ZNF565: variants seen among roughly 807,000 people sequenced by gnomAD.
ZNF565 encodes zinc finger protein 565.
A neutral mutation model predicts 39.4 loss-of-function variants in ZNF565; 27 were observed. The observed-to-expected ratio is 0.69, with a 90% CI of 0.51 to 0.95. The LOEUF is 0.95. Among genes scored for constraint, ZNF565 ranks in the 40% least tolerant of loss-of-function variants. The probability of loss-of-function intolerance (pLI) is 0.00; values close to 1 mark genes in which losing one functional copy is unlikely to be tolerated. For missense variants in ZNF565, 524 were observed against 621.1 expected, an observed-to-expected ratio of 0.84 and a Z score of 1.66; for synonymous variants, 185 against 216.6, an observed-to-expected ratio of 0.85 and a Z score of 1.28.
chr19:36,216,415 T>C (rs2432040), upstream of ZNF565, among the ~76,000 whole-genome samples: 96,304 of 151,868 alleles, frequency 0.63, 30,727 homozygotes, highest in Middle Eastern at 0.71. Context: ...CCGAGATGGG[T>C]GGATTACCTG....
chr19:36,233,065 A>G (rs1260376632), intron 1 of ZNF565, among the ~76,000 whole-genome samples: 1 of 152,232 alleles, frequency 6.6e-6, no homozygotes, highest in African/African-American at 2.4e-5. Flanking sequence ...CTTCTAAAAA[A>G]TTAAATATGT....
At chr19:36,193,225 C>T (rs1599922236) in intron 4 of ZNF565, among the ~76,000 whole-genome samples, 1 of 151,602 alleles carries the variant, frequency 6.6e-6, no homozygotes, top group African/African-American at 2.4e-5. Flanking sequence ...CCTCGTGATC[C>T]GCCCGCCTCA....
intron 1 of ZNF565, among the ~76,000 whole-genome samples, chr19:36,240,058 T>C (rs2972540): frequency 0.69 from 105,100 of 152,054 alleles, 36,448 homozygotes; most frequent in African/African-American, 0.74. Context: ...TTTTTCTCTG[T>C]TTTCCCTGTT....
At chr19:36,213,402 T>G (rs1976442461) in intron 1 of ZNF565, 1 of 150,408 alleles carries the variant, frequency 6.6e-6, no homozygotes, top group Non-Finnish European at 1.5e-5. Flanking sequence ...TGTTTGTTTT[T>G]GAGACGAAGT....
At chr19:36,232,144 A>C (rs1802149161) in intron 1 of ZNF565, among the ~76,000 whole-genome samples, 1 of 150,432 alleles carries the variant, frequency 6.6e-6, no homozygotes, top group Middle Eastern at 3.4e-3. Context: ...CGGAGGTTGC[A>C]GTGAGCTGAG....
intron 1 of ZNF565, chr19:36,228,636 G>A (rs12461112): frequency 0.26 from 39,400 of 152,112 alleles, 5,505 homozygotes; most frequent in African/African-American, 0.37. Context: ...ATCTTTGGAA[G>A]TTGCACCCTC....
rs1259388978 is a variant in ZNF565 at position 36,182,878 on chromosome 19, T to C, written c.1088A>G (p.Tyr363Cys). 5.6e-6 allele frequency: 9 copies of C among 1,612,702 alleles called. No homozygotes were observed. The highest frequency in any genetic ancestry group is 3.3e-5 in the South Asian group (3 of 91,012). Residue 363 changes from tyrosine (Y) to cysteine (C), a missense_variant, in exon 5 of 5, where the codon TAT becomes TGT. Coordinates refer to ENST00000304116, the MANE Select transcript of ZNF565 (RefSeq NM_152477.5). ...GGCCTTCCCACATTCCTTACACTCA[T>C]AGGGTTTCTCCCCAGAATGAATTCT... ...HQRIHSGEKP[Y>C]ECKECGKAFR...
At chr19:36,231,681 C>T (rs1977376186) in intron 1 of ZNF565, among the ~76,000 whole-genome samples, 1 of 152,064 alleles carries the variant, frequency 6.6e-6, no homozygotes, top group Non-Finnish European at 1.5e-5. Context: ...ATTTTCAGAT[C>T]CAGAGATTAC....
intron 4 of ZNF565, among the ~76,000 whole-genome samples, chr19:36,186,229 C>T (rs140592101): frequency 7.9e-4 from 121 of 152,242 alleles, no homozygotes; most frequent in Middle Eastern, 3.4e-3. Context: ...GAACTCCTGA[C>T]GTCACGTGAT....
intron 1 of ZNF565, chr19:36,213,086 G>C (rs1015523523): frequency 6.6e-6 from 1 of 152,382 alleles, no homozygotes; most frequent in Non-Finnish European, 1.5e-5. Context: ...AGAAGGCTGA[G>C]GTCACTCCTG....
rs1377665515 is a variant in ZNF565 at position 36,182,955 on chromosome 19, A to G, written c.1011T>C (p.Cys337=). The G allele has an allele frequency of 3.7e-6, 6 of 1,614,092 alleles. No homozygotes were observed. Among genetic ancestry groups the G allele is most frequent in the Non-Finnish European group, 5.1e-6 (6 of 1,180,030 alleles). The change falls in exon 5 of 5, where the codon TGT becomes TGC. Residue 337 remains cysteine (C), a synonymous_variant. Coordinates refer to ENST00000304116, the MANE Select transcript of ZNF565 (RefSeq NM_152477.5). ...RIHTGEKPYE[C]KECGKGFIHS... is the part of the protein sequence containing the mutation. ...GAATAAAGCCCTTTCCGCATTCCTT[A>G]CACTCGTAGGGTTTCTCACCAGTGT...
intron 4 of ZNF565, among the ~76,000 whole-genome samples, chr19:36,187,762 C>A (rs1306367626): frequency 6.6e-6 from 1 of 151,858 alleles, no homozygotes. Flanking sequence ...CTCAGCCTCC[C>A]GAGTAGCTGG....
chr19:36,214,744 C>G (rs1976521013), upstream of ZNF565: 1 of 152,320 alleles, frequency 6.6e-6, no homozygotes, highest in Non-Finnish European at 1.5e-5. Context: ...CTAGATCGGC[C>G]ACGGACAGAA....
chr19:36,217,585 A>G (rs1331624367), upstream of ZNF565, among the ~76,000 whole-genome samples: 2 of 152,124 alleles, frequency 1.3e-5, no homozygotes, highest in Non-Finnish European at 2.9e-5. Context: ...ATGATACACG[A>G]TGCATTTGGA....
At chr19:36,192,136 C>G (rs932758606) in intron 4 of ZNF565, among the ~76,000 whole-genome samples, 2 of 151,726 alleles carry the variant, frequency 1.3e-5, no homozygotes, top group Non-Finnish European at 2.9e-5. Context: ...CTACAGGCAC[C>G]CGCCACCACG....
chr19:36,199,853 G>A (rs1568418334), intron 2 of ZNF565, among the ~76,000 whole-genome samples: 1 of 151,818 alleles, frequency 6.6e-6, no homozygotes. Context: ...TTTGTTTGTA[G>A]AGACGGGGTC....
At position 36,183,276 on chromosome 19, in the gene ZNF565, C is replaced by T; in HGVS notation, c.690G>A (p.Lys230=). The T allele has an allele frequency of 6.2e-7, 1 of 1,614,172 alleles. No individual in the cohort carries two copies. The highest frequency in any genetic ancestry group is 8.5e-7 in the Non-Finnish European group (1 of 1,180,052). ...TAAGTTCTGATGTACGACCAAAGGC[C>T]TTCCCACAGTCCTTACAGTCATAAG... ...EKPYDCKDCG[K]AFGRTSELIL... Residue 230 remains lysine, a synonymous_variant, in exon 5 of 5, where the codon AAG becomes AAA. Transcript: ENST00000304116.
intron 1 of ZNF565, chr19:36,237,014 G>A (rs1243778365): frequency 6.2e-7 from 1 of 1,614,198 alleles, no homozygotes; most frequent in East Asian, 2.2e-5. Flanking sequence ...ATGTGGAAAA[G>A]CCTTCTCTCA....
chr19:36,219,473 C>G (rs1173918711), upstream of ZNF565, among the ~76,000 whole-genome samples: 1 of 152,002 alleles, frequency 6.6e-6, no homozygotes, highest in African/African-American at 2.4e-5. Flanking sequence ...TCTATGATTA[C>G]TTTTGCATGG....
Sources: gnomAD v4.1 joint callset for allele counts (sites outside exome capture counted in the v4.1 genomes callset) on GRCh38, gnomAD v4.1.1 for gene constraint, MANE v1.5 for transcripts, NCBI Gene and HGNC (gene_info 2026-07-23, HGNC 2026-07-21) for gene names.